ASIC2: variants seen among roughly 807,000 people sequenced by gnomAD.
ASIC2 encodes the protein acid-sensing ion channel 2.
In ASIC2, 25 loss-of-function variants were observed where a neutral mutation model predicts 57.3. The observed-to-expected ratio is 0.44, with a 90% confidence interval of 0.32 to 0.61. The LOEUF (loss-of-function observed/expected upper bound fraction) is 0.61. ASIC2 is among the 20% of genes least tolerant of loss of function. The probability of loss-of-function intolerance (pLI) is 0.06; values close to 1 mark genes in which losing one functional copy is unlikely to be tolerated. For missense variants in ASIC2, 641 were observed against 738.1 expected (o/e 0.87, Z 1.52); for synonymous variants, 319 against 307.5 (o/e 1.04, Z -0.39).
At chr17:33,580,135 G>C (rs376640417) in intron 1 of ASIC2, 1 of 152,152 alleles carries the variant, frequency 6.6e-6, no homozygotes, top group Non-Finnish European at 1.5e-5. Flanking sequence ...GGTACCCACA[G>C]GGTAGTAAGT....
chr17:33,186,267 C>T (rs1294947383), intron 1 of ASIC2, among the ~76,000 whole-genome samples: 3 of 152,122 alleles, frequency 2.0e-5, no homozygotes, highest in African/African-American at 7.2e-5. Context: ...TGTGCCTCCA[C>T]ACCTAGCTAA....
intron 1 of ASIC2, among the ~76,000 whole-genome samples, chr17:33,557,228 C>T (rs1241081631): frequency 6.7e-6 from 1 of 150,076 alleles, no homozygotes; most frequent in Non-Finnish European, 1.5e-5. Flanking sequence ...TATCTAGTCC[C>T]TAGCAAGTAA....
chr17:33,180,367 G>C (rs17836708), intron 1 of ASIC2, among the ~76,000 whole-genome samples: 9,479 of 152,244 alleles, frequency 0.062, 443 homozygotes, highest in East Asian at 0.2. Flanking sequence ...ACCAGACAGT[G>C]CCTTTAGGAG....
At chr17:33,186,042 T>A (rs2142063401) in intron 1 of ASIC2, among the ~76,000 whole-genome samples, 1 of 152,332 alleles carries the variant, frequency 6.6e-6, no homozygotes, top group African/African-American at 2.4e-5. Flanking sequence ...TAATTGCGGT[T>A]TTTGCATTGT....
intron 1 of ASIC2, among the ~76,000 whole-genome samples, chr17:33,277,223 A>G (rs762304599): frequency 2.0e-5 from 3 of 152,184 alleles, no homozygotes; most frequent in Non-Finnish European, 4.4e-5. Flanking sequence ...AGTGCTCTCC[A>G]TTGGGATCAG....
chr17:33,520,962 G>A (rs1914722540), intron 1 of ASIC2, among the ~76,000 whole-genome samples: 1 of 152,138 alleles, frequency 6.6e-6, no homozygotes, highest in South Asian at 2.1e-4. Context: ...GACTACTTTG[G>A]AAAAGCAAAA....
intron 1 of ASIC2, among the ~76,000 whole-genome samples, chr17:34,016,302 T>C (rs924483561): frequency 1.3e-5 from 2 of 151,398 alleles, no homozygotes; most frequent in Admixed American, 1.3e-4. Context: ...TGGGCACCTG[T>C]AGTCACAGCT....
upstream of ASIC2, among the ~76,000 whole-genome samples, chr17:33,298,062 C>G (rs1450488756): frequency 1.3e-5 from 2 of 149,304 alleles, no homozygotes; most frequent in South Asian, 2.1e-4. Context: ...CCCTTTTTCT[C>G]TCTCCAACTC....
intron 3 of ASIC2, among the ~76,000 whole-genome samples, chr17:33,086,800 A>T (rs2092135567): frequency 6.6e-6 from 1 of 152,118 alleles, no homozygotes; most frequent in African/African-American, 2.4e-5. Flanking sequence ...TCTCTGTGGG[A>T]GGGTAGGAGC....
intron 1 of ASIC2, among the ~76,000 whole-genome samples, chr17:33,445,800 A>C (rs1911995898): frequency 1.5e-5 from 1 of 65,568 alleles, no homozygotes. Context: ...TCCATCTCAA[A>C]AAAAAAAAAA....
intron 1 of ASIC2, among the ~76,000 whole-genome samples, chr17:33,411,600 C>T (rs1450050361): frequency 6.6e-6 from 1 of 152,118 alleles, no homozygotes; most frequent in Admixed American, 6.6e-5. Context: ...CTATCTGCTC[C>T]AGTGGGGGTA....
intron 1 of ASIC2, among the ~76,000 whole-genome samples, chr17:34,100,879 G>A (rs532759904): frequency 1.6e-4 from 25 of 152,318 alleles, no homozygotes; most frequent in Admixed American, 5.9e-4. Flanking sequence ...GAGTTTTGTA[G>A]TGAAATATAA....
chr17:33,981,161 A>G (rs1458522651), intron 1 of ASIC2, among the ~76,000 whole-genome samples: 6 of 151,950 alleles, frequency 3.9e-5, no homozygotes, highest in Non-Finnish European at 7.4e-5. Flanking sequence ...CATGTTGGCC[A>G]GGATGATCTC....
intron 1 of ASIC2, among the ~76,000 whole-genome samples, chr17:33,905,141 C>CTTTTTTTTTTTTTTTTTT: frequency 1.1e-5 from 1 of 87,888 alleles, no homozygotes; most frequent in Non-Finnish European, 2.2e-5. Flanking sequence ...TAGTTTAAGG[C>CTTTTTTTTTTTTTTTTTT]TTTTTTTTTT....
chr17:33,628,111 C>T (rs1381171067), intron 1 of ASIC2, among the ~76,000 whole-genome samples: 1 of 152,134 alleles, frequency 6.6e-6, no homozygotes, highest in East Asian at 1.9e-4. Flanking sequence ...GATTGGACCT[C>T]AAAGAAGCCA....
chr17:33,470,123 G>T (rs554651662), intron 1 of ASIC2, among the ~76,000 whole-genome samples: 2 of 152,282 alleles, frequency 1.3e-5, no homozygotes, highest in East Asian at 3.9e-4. Context: ...GGTCAGGAAG[G>T]GATTCACAGA....
At chr17:33,868,644 C>A (rs1597909139) in intron 1 of ASIC2, among the ~76,000 whole-genome samples, 1 of 152,062 alleles carries the variant, frequency 6.6e-6, no homozygotes, top group East Asian at 1.9e-4. Flanking sequence ...AGGGCACCAT[C>A]AAGAAAGAGA....
intron 1 of ASIC2, among the ~76,000 whole-genome samples, chr17:33,541,912 C>T (rs1915423484): frequency 6.6e-6 from 1 of 152,182 alleles, no homozygotes; most frequent in Admixed American, 6.5e-5. Flanking sequence ...GAGCTCTGCC[C>T]TTACAAGCTG....
intron 1 of ASIC2, among the ~76,000 whole-genome samples, chr17:33,331,371 A>C (rs897095207): frequency 6.6e-6 from 1 of 152,168 alleles, no homozygotes; most frequent in African/African-American, 2.4e-5. Flanking sequence ...AGATGTTAAG[A>C]TGTTACATTT....
Sources: gnomAD v4.1 joint callset for allele counts (sites outside exome capture counted in the v4.1 genomes callset) on GRCh38, gnomAD v4.1.1 for gene constraint, MANE v1.5 for transcripts, NCBI Gene and HGNC (gene_info 2026-07-23, HGNC 2026-07-21) for gene names.